The following CCDC181 variants were observed in gnomAD, a reference collection of about 807,000 sequenced individuals.
The protein encoded by CCDC181 is coiled-coil domain-containing protein 181.
CCDC181 carries 35 observed loss-of-function variants against 58.7 expected under a neutral mutation model. The ratio of observed to expected loss-of-function variants is 0.60; its 90% CI spans 0.46 to 0.79. The LOEUF is 0.79. Ranked by LOEUF, CCDC181 falls within the 30% of genes least tolerant of loss-of-function variation. The probability of loss-of-function intolerance (pLI) is 0.00; values close to 1 mark genes in which losing one functional copy is unlikely to be tolerated. For missense variants in CCDC181, 517 were observed against 583.9 expected (o/e 0.89, Z 1.18); for synonymous variants, 183 against 197.5 (o/e 0.93, Z 0.62).
At chr1:169,395,998 G>A (rs1261641138) in intron 5 of CCDC181, 1 of 151,990 alleles carries the variant, frequency 6.6e-6, no homozygotes, top group Non-Finnish European at 1.5e-5. Context: ...CAAATAAACT[G>A]TAAGTCATTT....
At chr1:169,435,502 T>C (rs1001987846) in intron 2 of CCDC181, among the ~76,000 whole-genome samples, 2 of 152,172 alleles carry the variant, frequency 1.3e-5, no homozygotes, top group African/African-American at 4.8e-5. Context: ...CTGATTGATA[T>C]ATGGCTCATA....
chr1:169,397,040 A>G (rs186827897), intron 5 of CCDC181, among the ~76,000 whole-genome samples, 197 bp downstream of exon 5: 140 of 151,038 alleles, frequency 9.3e-4, no homozygotes, highest in Non-Finnish European at 1.6e-3. Context: ...ATATATATAT[A>G]TAACTCCATA....
intron 2 of CCDC181, among the ~76,000 whole-genome samples, chr1:169,446,809 C>G (rs1657390041): frequency 6.6e-6 from 1 of 152,154 alleles, no homozygotes; most frequent in Non-Finnish European, 1.5e-5. Context: ...ATTTTGGTCT[C>G]TGCAGGAGGC....
chr1:169,429,381 G>C (rs142313627), upstream of CCDC181, among the ~76,000 whole-genome samples: 265 of 152,250 alleles, frequency 1.7e-3, 7 homozygotes, highest in East Asian at 0.04. Flanking sequence ...TCTCCACACT[G>C]TTTTCCATAG....
chr1:169,400,304 A>C (rs1655264107), intron 4 of CCDC181, among the ~76,000 whole-genome samples: 1 of 152,218 alleles, frequency 6.6e-6, no homozygotes, highest in African/African-American at 2.4e-5. Context: ...AGCATAAAAC[A>C]AAGTCTGACA....
chr1:169,434,088 TCAA>T (rs921691949), intron 2 of CCDC181, among the ~76,000 whole-genome samples: 2 of 151,824 alleles, frequency 1.3e-5, no homozygotes, highest in African/African-American at 2.4e-5. Context: ...CCTTCTAAAC[TCAA>T]CAACAATTAT....
intron 4 of CCDC181, among the ~76,000 whole-genome samples, chr1:169,404,086 C>T (rs532569626): frequency 2.0e-4 from 31 of 152,310 alleles, no homozygotes; most frequent in African/African-American, 7.5e-4. Context: ...CTCCTGGACA[C>T]ATACACCCTC....
At chr1:169,424,650 C>T (rs16862153) in intron 2 of CCDC181, among the ~76,000 whole-genome samples, 161 bp downstream of exon 2, 11,248 of 151,844 alleles carry the variant, frequency 0.074, 1,550 homozygotes, top group East Asian at 0.67. Flanking sequence ...AAGCAATCTA[C>T]GCCTCATTTT....
chr1:169,427,660 T>C (rs1226412072), upstream of CCDC181, among the ~76,000 whole-genome samples: 1 of 152,232 alleles, frequency 6.6e-6, no homozygotes. Context: ...TTCCCTCTTG[T>C]AGCTGTCTCT....
upstream of CCDC181, among the ~76,000 whole-genome samples, chr1:169,428,441 T>C (rs1382257177): frequency 6.6e-6 from 1 of 151,926 alleles, no homozygotes. Context: ...ACTCCTAGGT[T>C]AATAGTTTTT....
intron 1 of CCDC181, chr1:169,460,148 A>G (rs1571525808): frequency 6.6e-6 from 1 of 152,214 alleles, no homozygotes; most frequent in Admixed American, 6.5e-5. Context: ...TTAAAGGAAG[A>G]CAATTCGATA....
rs971338431 is a variant in CCDC181, at chr1:169,422,394, T to G, written c.118-81A>C. ...TACAAAATGGGATTTTTCCTGTTCA[T>G]GTAATTTATTTTATGAATGGGAAAA... On this transcript the variant is annotated intron_variant, in intron 2 of 5. Coordinates refer to ENST00000367806, the MANE Select transcript of CCDC181 (RefSeq NM_001300969.2). 8 of 1,025,380 alleles carry G rather than the reference T, an allele frequency of 7.8e-6. No homozygotes were observed. The African/African-American group carries it at 1.3e-4, about 16-fold the overall frequency. The allele number at this position is 1,025,380 out of a possible 1,614,324, so 63.5% of individuals were successfully genotyped here.
chr1:169,444,933 T>G (rs557683932), intron 2 of CCDC181, among the ~76,000 whole-genome samples: 40 of 152,282 alleles, frequency 2.6e-4, no homozygotes, highest in African/African-American at 9.6e-4. Flanking sequence ...GATTATATCC[T>G]TTCATGACTT....
intron 4 of CCDC181, among the ~76,000 whole-genome samples, chr1:169,406,227 A>G (rs2102056931): frequency 6.6e-6 from 1 of 152,332 alleles, no homozygotes; most frequent in East Asian, 1.9e-4. Flanking sequence ...ACCACTGTGG[A>G]AGACAGTGTG....
At chr1:169,454,296 C>T (rs1657627681) in intron 2 of CCDC181, 1 of 151,904 alleles carries the variant, frequency 6.6e-6, no homozygotes, top group East Asian at 1.9e-4. Flanking sequence ...TAAAAATACT[C>T]CTACTCATTT....
intron 2 of CCDC181, chr1:169,451,321 A>T (rs1657527990): frequency 6.6e-6 from 1 of 152,138 alleles, no homozygotes. Flanking sequence ...TCTGCCAAAA[A>T]ATTTTTATTT....
Position 169,401,429 on chromosome 1 carries a change from G to A in CCDC181, c.1216-4038C>T, listed in dbSNP as rs180696981. On this transcript the variant is annotated intron_variant, in intron 4 of 5. Transcript: ENST00000367806. ...GGGCCAACTGACACCTCATACAGCC[G>A]GGTGCCCCTCTGAGACGAAGCTTCC... 5.7e-3 allele frequency among the ~76,000 whole-genome samples: 874 copies of A among 152,284 alleles called. 8 individuals are homozygous for A. The highest frequency in any genetic ancestry group is 0.019 in the African/African-American group (804 of 41,554).
intron 4 of CCDC181, among the ~76,000 whole-genome samples, chr1:169,402,695 CA>C (rs2102048195): frequency 6.6e-6 from 1 of 152,282 alleles, no homozygotes; most frequent in South Asian, 2.1e-4. Flanking sequence ...CCAGCCACCA[CA>C]AAAACATGCC....
chr1:169,430,398 C>T (rs1165530922), upstream of CCDC181, among the ~76,000 whole-genome samples: 1 of 152,166 alleles, frequency 6.6e-6, no homozygotes, highest in East Asian at 1.9e-4. Flanking sequence ...GTCATTTTCA[C>T]AATAGTGATT....
Sources: allele counts gnomAD v4.1 joint callset (sites outside exome capture counted in the v4.1 genomes callset), GRCh38; gene constraint gnomAD v4.1.1; transcripts MANE v1.5; gene names NCBI Gene and HGNC (gene_info 2026-07-23, HGNC 2026-07-21).